The following SUGCT variants were observed in gnomAD, a reference collection of about 807,000 sequenced individuals.
SUGCT encodes the protein succinyl-CoA:glutarate CoA-transferase.
Under a neutral mutation model 55.0 loss-of-function variants are expected in SUGCT, and 41 were observed. That is an observed-to-expected ratio of 0.74 (90% CI 0.58 to 0.97). The LOEUF is 0.97. Among genes scored for constraint, SUGCT ranks in the 50% least tolerant of loss-of-function variants. SUGCT has a pLI of 0.00. For missense variants in SUGCT, 568 were observed against 547.8 expected, an observed-to-expected ratio of 1.04 and a Z score of -0.37; for synonymous variants, 187 against 200.4, an observed-to-expected ratio of 0.93 and a Z score of 0.56.
At chr7:40,158,476 T>C (rs1267879270) in intron 1 of SUGCT, among the ~76,000 whole-genome samples, 2 of 151,910 alleles carry the variant, frequency 1.3e-5, no homozygotes. Flanking sequence ...TATGGCTGAG[T>C]GTGGTGGCTC....
chr7:40,950,378 G>C, the SUGCT span, among the ~76,000 whole-genome samples: 1 of 152,136 alleles, frequency 6.6e-6, no homozygotes, highest in African/African-American at 2.4e-5. Context: ...GGGTTTTCTA[G>C]ATATACAACC....
intron 6 of SUGCT, among the ~76,000 whole-genome samples, chr7:40,197,130 C>T (rs1786336636): frequency 6.6e-6 from 1 of 152,122 alleles, no homozygotes; most frequent in South Asian, 2.1e-4. Flanking sequence ...CCACTGTGCC[C>T]GGCCCTGATG....
chr7:40,535,381 C>T (rs1004457117), intron 12 of SUGCT, among the ~76,000 whole-genome samples: 1 of 152,130 alleles, frequency 6.6e-6, no homozygotes, highest in Non-Finnish European at 1.5e-5. Context: ...ACATTGTTAC[C>T]TCCCACATAT....
rs1175619215 is a variant in SUGCT, at chr7:40,188,501, G to C, written c.233G>C (p.Gly78Ala). The C allele has an allele frequency of 6.2e-7, 1 of 1,604,028 alleles. No homozygotes were observed. The change falls in exon 4 of 14, where the codon GGT (glycine) becomes GCT (alanine). Residue 78 changes from glycine (G) to alanine (A), a missense_variant. Transcript: ENST00000335693. ...CTCATGTTATTATTTTCAGGAGCTG[G>C]TGATGATACACGAACTTGGGGGCCA... Reference protein sequence around the residue: ...EVIKVERPGAGDDTRTWGPPF... With the variant: ...EVIKVERPGAADDTRTWGPPF...
At chr7:40,994,243 A>G in the SUGCT span, among the ~76,000 whole-genome samples, 1 of 152,182 alleles carries the variant, frequency 6.6e-6, no homozygotes, top group African/African-American at 2.4e-5. Context: ...TTTGAAGGCA[A>G]AGAGATCTCC....
At chr7:40,402,693 A>G (rs1360870933) in intron 9 of SUGCT, among the ~76,000 whole-genome samples, 1 of 152,004 alleles carries the variant, frequency 6.6e-6, no homozygotes, top group Non-Finnish European at 1.5e-5. Flanking sequence ...TTTTAATAAG[A>G]GCTATATTAA....
chr7:41,025,504 G>C, the SUGCT span, among the ~76,000 whole-genome samples: 2 of 151,838 alleles, frequency 1.3e-5, no homozygotes, highest in African/African-American at 4.8e-5. Context: ...CGAGTAGCTG[G>C]AACTACAGGC....
the SUGCT span, among the ~76,000 whole-genome samples, chr7:40,962,898 T>C: frequency 6.6e-6 from 1 of 152,156 alleles, no homozygotes; most frequent in Non-Finnish European, 1.5e-5. Flanking sequence ...TGTGTACCAC[T>C]CTTTTAGGCA....
At chr7:40,354,886 C>T (rs1473116436) in intron 9 of SUGCT, among the ~76,000 whole-genome samples, 4 of 152,170 alleles carry the variant, frequency 2.6e-5, no homozygotes, top group Non-Finnish European at 4.4e-5. Flanking sequence ...TCAGTCTACA[C>T]ATTATTATGA....
chr7:40,225,435 A>AT (rs34672683), intron 6 of SUGCT, among the ~76,000 whole-genome samples: 23,326 of 138,344 alleles, frequency 0.17, 2,238 homozygotes, highest in Middle Eastern at 0.25. Flanking sequence ...ATAATATATG[A>AT]TTTTTTTTTT....
intron 13 of SUGCT, among the ~76,000 whole-genome samples, chr7:40,853,115 TA>T (rs1417300322): frequency 1.3e-5 from 2 of 149,090 alleles, no homozygotes; most frequent in Non-Finnish European, 3.0e-5. Flanking sequence ...TCCAGAAGAG[TA>T]GGGTCCAGGT....
At chr7:40,852,979 G>A (rs1793930028) in intron 13 of SUGCT, among the ~76,000 whole-genome samples, 1 of 151,902 alleles carries the variant, frequency 6.6e-6, no homozygotes, top group African/African-American at 2.4e-5. Flanking sequence ...GCCTTTCAAA[G>A]GGTTTCAAGA....
At chr7:41,030,513 T>C in the SUGCT span, among the ~76,000 whole-genome samples, 17 of 152,196 alleles carry the variant, frequency 1.1e-4, no homozygotes, top group Non-Finnish European at 2.1e-4. Flanking sequence ...TCATTTTACA[T>C]GTTTCCTTGC....
chr7:40,152,559 C>T (rs542164021), intron 1 of SUGCT: 23 of 202,672 alleles, frequency 1.1e-4, no homozygotes, highest in East Asian at 1.2e-4. Context: ...GTTTATTGTC[C>T]GAGATCGGTT....
At chr7:40,425,187 T>TGC (rs1051981157) in intron 9 of SUGCT, among the ~76,000 whole-genome samples, 11 of 152,164 alleles carry the variant, frequency 7.2e-5, no homozygotes, top group Non-Finnish European at 1.0e-4. Flanking sequence ...ATTGTGTGTG[T>TGC]GTGAGGGCCT....
chr7:40,350,333 T>G (rs767846982), intron 9 of SUGCT, among the ~76,000 whole-genome samples: 2 of 148,800 alleles, frequency 1.3e-5, no homozygotes, highest in African/African-American at 2.5e-5. Context: ...TATTTATTTT[T>G]AAGAGAGTCT....
chr7:40,596,956 T>G (rs1370351939), intron 12 of SUGCT, among the ~76,000 whole-genome samples: 1 of 152,176 alleles, frequency 6.6e-6, no homozygotes, highest in Non-Finnish European at 1.5e-5. Context: ...TCTTCCCCCT[T>G]AATCGCTGTA....
chr7:40,684,168 C>G, intron 12 of SUGCT: 1 of 1,555,570 alleles, frequency 6.4e-7, no homozygotes, highest in Non-Finnish European at 8.7e-7. Context: ...CATCTCACTT[C>G]CTGCAGCCAG....
At chr7:40,782,081 TTACTC>T (rs148529786) in intron 13 of SUGCT, among the ~76,000 whole-genome samples, 414 of 152,166 alleles carry the variant, frequency 2.7e-3, no homozygotes, top group African/African-American at 9.4e-3. Context: ...TTTAAATAAT[TTACTC>T]TAATATTTAG....
Sources: gnomAD v4.1 joint callset for allele counts (sites outside exome capture counted in the v4.1 genomes callset) on GRCh38, gnomAD v4.1.1 for gene constraint, MANE v1.5 for transcripts, NCBI Gene and HGNC (gene_info 2026-07-23, HGNC 2026-07-21) for gene names.